Variants in CDH12 observed in about 807,000 individuals in gnomAD.
CDH12 encodes cadherin 12.
In CDH12, 41 loss-of-function variants were observed where a neutral mutation model predicts 74.1. The observed-to-expected ratio is 0.55, with a 90% CI of 0.43 to 0.72. The LOEUF (loss-of-function observed/expected upper bound fraction) is 0.72, where lower values mean the gene tolerates loss of function less well. Among genes scored for constraint, CDH12 ranks in the 30% least tolerant of loss-of-function variants. The pLI, the probability that CDH12 is intolerant of heterozygous loss-of-function variation, is 0.00. For synonymous variants in CDH12, 399 were observed against 355.0 expected (o/e 1.12, Z -1.39); for missense variants, 945 against 977.2 (o/e 0.97, Z 0.44).
chr5:22,174,317 C>T (rs1749209772), intron 4 of CDH12, among the ~76,000 whole-genome samples: 1 of 151,886 alleles, frequency 6.6e-6, no homozygotes, highest in South Asian at 2.1e-4. Flanking sequence ...AAAAATAAAA[C>T]TTGCTTCAAA....
At chr5:21,860,496 T>A (rs575052819) in intron 6 of CDH12, among the ~76,000 whole-genome samples, 1 of 152,062 alleles carries the variant, frequency 6.6e-6, no homozygotes, top group Admixed American at 6.6e-5. Context: ...TGCAAATTAT[T>A]TTTACTGGAT....
At chr5:22,175,474 A>T (rs1321378589) in intron 4 of CDH12, among the ~76,000 whole-genome samples, 2 of 152,080 alleles carry the variant, frequency 1.3e-5, no homozygotes, top group African/African-American at 2.4e-5. Context: ...AATGAAAAAA[A>T]ATATATGTAT....
intron 3 of CDH12, among the ~76,000 whole-genome samples, chr5:22,262,088 T>C (rs1216194376): frequency 6.6e-6 from 1 of 152,128 alleles, no homozygotes; most frequent in Non-Finnish European, 1.5e-5. Flanking sequence ...TTGCATGGTT[T>C]TATAATAATG....
At chr5:21,765,128 G>A (rs760587330) in intron 11 of CDH12, 29 bp from the exon 12 acceptor site, 39 of 1,475,294 alleles carry the variant, frequency 2.6e-5, no homozygotes, top group Non-Finnish European at 3.5e-5. Flanking sequence ...GATAAAAGAT[G>A]ATTACAAAAT....
At chr5:22,529,840 A>G (rs1476649541) in intron 1 of CDH12, among the ~76,000 whole-genome samples, 1 of 152,138 alleles carries the variant, frequency 6.6e-6, no homozygotes, top group Non-Finnish European at 1.5e-5. Context: ...ACACCATTCA[A>G]TTTCAGGATC....
intron 5 of CDH12, among the ~76,000 whole-genome samples, chr5:22,043,970 C>T (rs1362804697): frequency 1.3e-5 from 2 of 152,100 alleles, no homozygotes; most frequent in East Asian, 3.9e-4. Flanking sequence ...ACCCCATGTT[C>T]ATGGATTGGA....
rs1282673054 is a variant in CDH12 at position 22,283,251 on chromosome 5, T to TATAC, written c.-332-70609_-332-70608insGTAT. 2.5e-3 allele frequency among the ~76,000 whole-genome samples: 254 copies of TATAC among 101,944 alleles called. 2 individuals are homozygous for TATAC. The highest frequency in any genetic ancestry group is 0.01 in the African/African-American group (248 of 24,344). The allele number at this position is 101,944 out of a possible 152,430, so 66.9% of individuals were successfully genotyped here. A position where few individuals can be genotyped will look rare whatever the true frequency, so the allele number is the denominator to read the frequency against. On this transcript the variant is annotated intron_variant, in intron 3 of 14. Coordinates refer to ENST00000382254, the MANE Select transcript of CDH12 (RefSeq NM_004061.5). ...ATATATATATATATATATATATATATACACACACACACACACACACACACA... is the reference window on the plus strand; with the variant it reads ...ATATATATATATATATATATATATATATACACACACACACACACACACACACACA...
chr5:22,154,198 T>C (rs551113934), intron 4 of CDH12, among the ~76,000 whole-genome samples: 1 of 150,892 alleles, frequency 6.6e-6, no homozygotes, highest in East Asian at 1.9e-4. Context: ...ATCAAGCTAG[T>C]TAACATATAC....
chr5:22,481,567 T>C (rs1053702345), intron 2 of CDH12, among the ~76,000 whole-genome samples: 49 of 152,184 alleles, frequency 3.2e-4, no homozygotes, highest in African/African-American at 1.1e-3. Flanking sequence ...TGGATGAATC[T>C]GAAGGACATT....
rs2127016950 is a variant in CDH12, at chr5:22,740,421, G to C, written c.-523+112637C>G. On this transcript the variant is annotated intron_variant, in intron 1 of 14. Transcript: ENST00000382254. ...ATCTTCTCCAGTTATAGATTCATTA[G>C]GTAAAAAAAAAAAAGTTCAACTCTA... Among the ~76,000 whole-genome samples the C allele has an allele frequency of 3.3e-5, 5 of 149,740 alleles. 1 individual carries two copies. In the South Asian group the frequency reaches 1.0e-3, roughly 31 times the overall value.
At chr5:22,040,697 A>G (rs4540148) in intron 5 of CDH12, among the ~76,000 whole-genome samples, 3,206 of 152,286 alleles carry the variant, frequency 0.021, 122 homozygotes, top group African/African-American at 0.074. Context: ...CAAGAATTCT[A>G]TAGCTACCAA....
intron 1 of CDH12, among the ~76,000 whole-genome samples, chr5:22,674,013 T>C (rs268961): frequency 1.5e-3 from 228 of 152,318 alleles, no homozygotes; most frequent in African/African-American, 5.1e-3. Context: ...TTTCTCCTTG[T>C]AGAGGCACTA....
At chr5:22,801,037 T>C (rs1205439123) in intron 1 of CDH12, among the ~76,000 whole-genome samples, 5 of 152,156 alleles carry the variant, frequency 3.3e-5, no homozygotes, top group Admixed American at 3.3e-4. Context: ...GAACATAAGC[T>C]TTCATCTCCT....
intron 1 of CDH12, among the ~76,000 whole-genome samples, chr5:22,765,952 T>A (rs1473343770): frequency 6.6e-6 from 1 of 151,838 alleles, no homozygotes; most frequent in Non-Finnish European, 1.5e-5. Flanking sequence ...TTAATGAAGT[T>A]GAAAAATGTG....
intron 3 of CDH12, among the ~76,000 whole-genome samples, chr5:22,355,598 C>T (rs1740533878): frequency 6.6e-6 from 1 of 150,982 alleles, no homozygotes; most frequent in African/African-American, 2.4e-5. Context: ...TTAAAAAGAA[C>T]CTGGCTTTCC....
At chr5:22,114,307 A>T (rs1744970281) in intron 4 of CDH12, among the ~76,000 whole-genome samples, 1 of 152,154 alleles carries the variant, frequency 6.6e-6, no homozygotes, top group Non-Finnish European at 1.5e-5. Context: ...TTCCTACATG[A>T]TATAAAAATA....
intron 1 of CDH12, among the ~76,000 whole-genome samples, chr5:22,781,561 C>CA (rs1430014072): frequency 6.6e-6 from 1 of 152,146 alleles, no homozygotes; most frequent in Admixed American, 6.6e-5. Flanking sequence ...ATTTTAGTTC[C>CA]AACCTAGAAC....
chr5:22,470,829 T>C (rs1320341658), intron 2 of CDH12, among the ~76,000 whole-genome samples: 1 of 150,962 alleles, frequency 6.6e-6, no homozygotes, highest in Non-Finnish European at 1.5e-5. Context: ...GAGCCCTTTT[T>C]TTTCCATCAT....
intron 3 of CDH12, among the ~76,000 whole-genome samples, chr5:22,333,330 T>C (rs1227264685): frequency 2.6e-5 from 4 of 151,532 alleles, no homozygotes; most frequent in Admixed American, 2.6e-4. Flanking sequence ...TAGGGGGCAA[T>C]GGGAGGGAGA....
Sources: allele counts gnomAD v4.1 joint callset (sites outside exome capture counted in the v4.1 genomes callset), GRCh38; gene constraint gnomAD v4.1.1; transcripts MANE v1.5; gene names NCBI Gene and HGNC (gene_info 2026-07-23, HGNC 2026-07-21).